Variants in SLC22A15 observed in about 807,000 individuals in gnomAD.
The protein encoded by SLC22A15 is solute carrier family 22 member 15.
In SLC22A15, 45 loss-of-function variants were observed where a neutral mutation model predicts 62.7. The observed-to-expected ratio is 0.72, with a 90% CI of 0.56 to 0.92. SLC22A15 has a LOEUF of 0.92. SLC22A15 is among the 40% of genes least tolerant of loss of function. SLC22A15 has a pLI of 0.00. For missense variants in SLC22A15, 622 were observed against 665.6 expected (o/e 0.93, Z 0.72); for synonymous variants, 264 against 267.0 (o/e 0.99, Z 0.11).
chr1:115,983,930 A>C (rs1361222587), intron 1 of SLC22A15, among the ~76,000 whole-genome samples: 1 of 152,196 alleles, frequency 6.6e-6, no homozygotes, highest in Non-Finnish European at 1.5e-5. Context: ...TCTAGCCTGA[A>C]AATGTCTCCT....
chr1:116,062,996 C>CAGT lies in SLC22A15; in HGVS notation c.1292+116_1292+118dup, dbSNP rs140212031. 4.5e-4 allele frequency: 602 copies of CAGT among 1,347,096 alleles called. 6 individuals carry two copies. In the African/African-American group the frequency reaches 7.8e-3, roughly 17 times the overall value. 83.4% of individuals were successfully genotyped at this position (1,347,096 alleles called of 1,614,324 possible). ...TGCTTCTGGAGTTAGTTTGGGGCAG[C>CAGT]AGTAATTCAGCAAGCAGTTTAGGGT... On this transcript the variant is annotated intron_variant, in intron 9 of 11. Transcript: ENST00000369503.
intron 8 of SLC22A15, among the ~76,000 whole-genome samples, chr1:116,055,856 CA>C (rs1190120047): frequency 1.4e-5 from 2 of 148,124 alleles, no homozygotes; most frequent in Middle Eastern, 3.2e-3. Context: ...AATTCAACAA[CA>C]CTTCATGCTA....
At chr1:116,050,258 C>T (rs188154716) in intron 8 of SLC22A15, among the ~76,000 whole-genome samples, 1 of 152,216 alleles carries the variant, frequency 6.6e-6, no homozygotes, top group Non-Finnish European at 1.5e-5. Context: ...GCCAGCATCA[C>T]CCTAATACCA....
chr1:115,977,603 T>A (rs2454185), intron 1 of SLC22A15, among the ~76,000 whole-genome samples: 131,464 of 152,236 alleles, frequency 0.86, 57,884 homozygotes, highest in East Asian at 1. Context: ...CCTTCAGTCA[T>A]CAGGTTTAAT....
In SLC22A15 at chr1:116,035,287, C is replaced by A; in HGVS notation, c.1045C>A (p.Pro349Thr). ...GGCCCTGTCTGGCCTCATAGAGATT[C>A]CATCTTACCCTCTCTGTATCTACTT... ...NLALSGLIEI[P>T]SYPLCIYLIN... The change falls in exon 7 of 12, where the codon CCA becomes ACA. Residue 349 changes from proline (P) to threonine (T), a missense_variant. Physicochemically the swap from Pro to Thr is conservative, Grantham distance 38. Transcript: ENST00000369503. The A allele has an allele frequency of 6.2e-7, 1 of 1,613,152 alleles. No homozygotes were observed. Among genetic ancestry groups the A allele is most frequent in the Non-Finnish European group, 8.5e-7 (1 of 1,179,464 alleles).
rs547274786 is a variant in SLC22A15 at position 116,027,786 on chromosome 1, C to T, written c.728+764C>T. ...GATCACAGGCATGCGCCACCACGCC[C>T]GACTGATTTTGTATTTTTAGTAGAG... On this transcript the variant is annotated intron_variant, in intron 5 of 11. Transcript: ENST00000369503. Among the ~76,000 whole-genome samples, 12 of 152,114 alleles carry T rather than the reference C, an allele frequency of 7.9e-5. No homozygotes were observed. The East Asian group carries it at 1.5e-3, about 20-fold the overall frequency.
chr1:116,028,220 T>C (rs74111146), intron 5 of SLC22A15, among the ~76,000 whole-genome samples: 6,869 of 152,216 alleles, frequency 0.045, 550 homozygotes, highest in African/African-American at 0.16. Context: ...AAGTGGCCTA[T>C]ATTTTAAAAA....
At chr1:115,998,633 T>C (rs547234363) in intron 2 of SLC22A15, among the ~76,000 whole-genome samples, 1 of 152,154 alleles carries the variant, frequency 6.6e-6, no homozygotes, top group African/African-American at 2.4e-5. Context: ...TCAGTTTTAA[T>C]GTCCCCTTTT....
At chr1:116,032,221 G>GT in intron 6 of SLC22A15, 1 of 985,434 alleles carries the variant, frequency 1.0e-6, no homozygotes, top group Non-Finnish European at 1.2e-6. Flanking sequence ...TGCTCTCAGC[G>GT]TGAGTGTAAG....
chr1:115,992,004 T>C, intron 1 of SLC22A15, 27 bp from the exon 2 acceptor site: 2 of 1,600,786 alleles, frequency 1.2e-6, no homozygotes, highest in Non-Finnish European at 1.7e-6. Context: ...ATCTGCAGTG[T>C]TTGGTTCTGT....
intron 9 of SLC22A15, among the ~76,000 whole-genome samples, chr1:116,063,453 A>T (rs555725915): frequency 4.4e-4 from 67 of 152,252 alleles, no homozygotes; most frequent in African/African-American, 1.5e-3. Flanking sequence ...AATTTGAAGG[A>T]TGGGGGTGCA....
intron 2 of SLC22A15, among the ~76,000 whole-genome samples, chr1:115,996,730 T>C (rs1655446106): frequency 6.6e-6 from 1 of 151,806 alleles, no homozygotes; most frequent in Non-Finnish European, 1.5e-5. Context: ...TTATTTCTTT[T>C]GGGAAATTTT....
At chr1:115,996,147 G>A (rs1237154341) in intron 2 of SLC22A15, among the ~76,000 whole-genome samples, 2 of 152,156 alleles carry the variant, frequency 1.3e-5, no homozygotes, top group African/African-American at 2.4e-5. Context: ...GAATCATATT[G>A]TAGAAGCCTT....
At chr1:115,989,849 A>T (rs961356775) in intron 1 of SLC22A15, among the ~76,000 whole-genome samples, 4 of 151,922 alleles carry the variant, frequency 2.6e-5, no homozygotes, top group African/African-American at 9.7e-5. Context: ...GCACATAGTT[A>T]GCATTATAAA....
At chr1:115,992,329 C>A in intron 2 of SLC22A15, 86 bp downstream of exon 2, 2 of 1,161,970 alleles carry the variant, frequency 1.7e-6, no homozygotes, top group Non-Finnish European at 1.2e-6. Flanking sequence ...ATTTAAATAT[C>A]AGCCACATTT....
At chr1:115,998,747 A>T (rs558716135) in intron 2 of SLC22A15, among the ~76,000 whole-genome samples, 1 of 151,534 alleles carries the variant, frequency 6.6e-6, no homozygotes, top group Non-Finnish European at 1.5e-5. Context: ...CATTTTGTTG[A>T]TCTTGTGTAC....
At chr1:116,045,113 G>A (rs1219621585) in intron 8 of SLC22A15, among the ~76,000 whole-genome samples, 3 of 151,902 alleles carry the variant, frequency 2.0e-5, no homozygotes, top group Non-Finnish European at 4.4e-5. Flanking sequence ...GCGTGATCTC[G>A]GCTCACTGCA....
At chr1:115,993,257 C>A (rs2078519015) in intron 2 of SLC22A15, among the ~76,000 whole-genome samples, 1 of 152,124 alleles carries the variant, frequency 6.6e-6, no homozygotes, top group Admixed American at 6.5e-5. Flanking sequence ...GACACCCTGG[C>A]CCCATCCTTG....
At chr1:116,020,218 TA>T (rs961890467) in intron 3 of SLC22A15, among the ~76,000 whole-genome samples, 1 of 149,216 alleles carries the variant, frequency 6.7e-6, no homozygotes, top group Non-Finnish European at 1.5e-5. Flanking sequence ...TATGGTTTTT[TA>T]AAAAAATAGT....
Sources: allele counts gnomAD v4.1 joint callset (sites outside exome capture counted in the v4.1 genomes callset), GRCh38; gene constraint gnomAD v4.1.1; transcripts MANE v1.5; gene names NCBI Gene and HGNC (gene_info 2026-07-23, HGNC 2026-07-21).